USH2A: variants seen among roughly 807,000 people sequenced by gnomAD.
The protein encoded by USH2A is Usher syndrome 2A (autosomal recessive, mild).
USH2A carries 443 observed loss-of-function variants against 538.9 expected under a neutral mutation model. That is an observed-to-expected ratio of 0.82 (90% CI 0.76 to 0.89). The LOEUF (loss-of-function observed/expected upper bound fraction) is 0.89. Ranked by LOEUF, USH2A falls within the 40% of genes least tolerant of loss-of-function variation. The pLI is 0.00. For synonymous variants in USH2A, 2,413 were observed against 2,273.5 expected (o/e 1.06, Z -1.75); for missense variants, 6,633 against 6,324.8 (o/e 1.05, Z -1.65).
At chr1:215,693,228 G>T (rs1171190435) in intron 61 of USH2A, among the ~76,000 whole-genome samples, 2 of 151,540 alleles carry the variant, frequency 1.3e-5, no homozygotes, top group African/African-American at 4.9e-5. Flanking sequence ...CAATCCACCT[G>T]CCTTGGCCTC....
At chr1:215,883,674 C>T (rs1024301465) in intron 41 of USH2A, among the ~76,000 whole-genome samples, 1 of 152,048 alleles carries the variant, frequency 6.6e-6, no homozygotes, top group African/African-American at 2.4e-5. Flanking sequence ...AAATAAAATG[C>T]AGATTCTACC....
intron 37 of USH2A, among the ~76,000 whole-genome samples, chr1:215,949,906 C>G (rs115556489): frequency 0.013 from 1,920 of 151,940 alleles, 39 homozygotes; most frequent in African/African-American, 0.043. Context: ...AGTGTGTGAG[C>G]AGACAAAAAA....
intron 61 of USH2A, among the ~76,000 whole-genome samples, chr1:215,722,033 G>A (rs977993856): frequency 2.0e-5 from 3 of 149,210 alleles, no homozygotes; most frequent in African/African-American, 7.4e-5. Flanking sequence ...CCACTGCACT[G>A]CAGCCTGTGT....
At chr1:216,113,909 G>A (rs1429435958) in intron 21 of USH2A, among the ~76,000 whole-genome samples, 1 of 151,204 alleles carries the variant, frequency 6.6e-6, no homozygotes. Flanking sequence ...TATAAAATTT[G>A]TAATTTATTT....
At chr1:216,096,656 G>T (rs369164125) in intron 22 of USH2A, among the ~76,000 whole-genome samples, 39 of 152,142 alleles carry the variant, frequency 2.6e-4, no homozygotes, top group African/African-American at 9.4e-4. Context: ...AACTATGGTA[G>T]TCTGCAACGC....
chr1:216,149,287 C>A (rs2033783679), intron 21 of USH2A, among the ~76,000 whole-genome samples: 1 of 152,150 alleles, frequency 6.6e-6, no homozygotes, highest in Admixed American at 6.5e-5. Flanking sequence ...TCATTTCTTC[C>A]CTTCTGTCAG....
chr1:216,297,849 C>T (rs1489316624), intron 9 of USH2A, among the ~76,000 whole-genome samples: 2 of 152,114 alleles, frequency 1.3e-5, no homozygotes, highest in South Asian at 2.1e-4. Context: ...ATAACTATTA[C>T]TTCTTCTAGT....
intron 21 of USH2A, among the ~76,000 whole-genome samples, chr1:216,154,658 T>A (rs967475070): frequency 9.2e-5 from 14 of 152,296 alleles, no homozygotes; most frequent in African/African-American, 3.1e-4. Context: ...CACCCCCTCC[T>A]CCTCAGGCCT....
rs371000210 is a variant in USH2A at position 215,693,092 on chromosome 1, A to ATATATATGTG, written c.12067-12717_12067-12716insCACATATATA. Among the ~76,000 whole-genome samples, 1,055 of 131,634 alleles carry ATATATATGTG rather than the reference A, an allele frequency of 8.0e-3. 11 individuals are homozygous for ATATATATGTG. Among genetic ancestry groups the ATATATATGTG allele is most frequent in the African/African-American group, 0.025 (873 of 34,790 alleles). The allele number at this position is 131,634 out of a possible 152,430, so 86.4% of individuals were successfully genotyped here. ...TTTGTGTGTGTATATATATATATAT[A>ATATATATGTG]TGTGTGTGTGTGTGTGTGTATGTGT... is the stretch of plus-strand genomic sequence containing the variant. On this transcript the variant is annotated intron_variant, in intron 61 of 71. Coordinates refer to ENST00000307340, the MANE Select transcript of USH2A (RefSeq NM_206933.4).
intron 38 of USH2A, among the ~76,000 whole-genome samples, chr1:215,932,498 A>C (rs1364554133): frequency 2.6e-5 from 4 of 152,090 alleles, no homozygotes; most frequent in Non-Finnish European, 1.5e-5. Context: ...CTATTTAATC[A>C]ATGAGGTATC....
At chr1:216,355,766 A>G (rs1038283643) in intron 4 of USH2A, among the ~76,000 whole-genome samples, 1 of 152,178 alleles carries the variant, frequency 6.6e-6, no homozygotes, top group South Asian at 2.1e-4. Context: ...TATCTGCTAC[A>G]TAATGAATCT....
intron 47 of USH2A, 47 bp from the exon 48 acceptor site, chr1:215,817,242 C>T: frequency 6.3e-7 from 1 of 1,579,426 alleles, no homozygotes; most frequent in Non-Finnish European, 8.7e-7. Flanking sequence ...CACTATTTAA[C>T]ATTGATGCTA....
intron 3 of USH2A, among the ~76,000 whole-genome samples, chr1:216,370,677 C>CAAAAAAAAAAAAAAA (rs58845914): frequency 0.015 from 441 of 29,980 alleles, 103 homozygotes; most frequent in South Asian, 0.02. Flanking sequence ...GACTCTGTCT[C>CAAAAAAAAAAAAAAA]AAAAAAAAAA....
In USH2A at chr1:215,844,356, T is replaced by C; in HGVS notation, c.9196A>G (p.Met3066Val). The C allele has an allele frequency of 6.2e-7, 1 of 1,613,852 alleles. No homozygotes were observed. The highest frequency in any genetic ancestry group is 8.5e-7 in the Non-Finnish European group (1 of 1,179,864). ...AGAATAAACGACCCAGGCACATTCATTCCAGTCTTGTAGAGCTTATTATTT... is the reference window on the plus strand; with the variant it reads ...AGAATAAACGACCCAGGCACATTCACTCCAGTCTTGTAGAGCTTATTATTT... ...YVNNKLYKTG[M>V]NVPGSFILRD... The change falls in exon 46 of 72, where the codon ATG (methionine) becomes GTG (valine). Residue 3066 changes from methionine to valine, a missense_variant. Transcript: ENST00000307340.
intron 43 of USH2A, among the ~76,000 whole-genome samples, chr1:215,871,301 A>G (rs967071351): frequency 2.6e-5 from 4 of 152,212 alleles, no homozygotes; most frequent in Non-Finnish European, 4.4e-5. Flanking sequence ...TTCAGGTGTT[A>G]TTACTCCAAT....
intron 21 of USH2A, among the ~76,000 whole-genome samples, chr1:216,164,092 A>G (rs969518982): frequency 4.6e-5 from 7 of 152,072 alleles, no homozygotes; most frequent in African/African-American, 1.4e-4. Context: ...TAAGCTCCCT[A>G]AGGTTAGGAA....
chr1:216,290,877 T>C (rs1254162783), intron 10 of USH2A, among the ~76,000 whole-genome samples: 1 of 151,854 alleles, frequency 6.6e-6, no homozygotes, highest in Non-Finnish European at 1.5e-5. Flanking sequence ...TTGGCTCTCC[T>C]TCCTTCCCTT....
chr1:215,896,435 C>T (rs1470691334), intron 40 of USH2A, among the ~76,000 whole-genome samples: 1 of 151,942 alleles, frequency 6.6e-6, no homozygotes. Context: ...ATATTTCAAT[C>T]TTATTTCCTG....
At chr1:215,810,093 G>A (rs1167003059) in intron 49 of USH2A, among the ~76,000 whole-genome samples, 1 of 152,072 alleles carries the variant, frequency 6.6e-6, no homozygotes, top group African/African-American at 2.4e-5. Context: ...CTTGACACCA[G>A]GGTATGCATT....
Sources: allele counts gnomAD v4.1 joint callset (sites outside exome capture counted in the v4.1 genomes callset), GRCh38; gene constraint gnomAD v4.1.1; transcripts MANE v1.5; gene names NCBI Gene and HGNC (gene_info 2026-07-23, HGNC 2026-07-21).